LIFR: variants seen among roughly 807,000 people sequenced by gnomAD.
LIFR encodes LIF receptor subunit alpha.
A neutral mutation model predicts 122.2 loss-of-function variants in LIFR; 84 were observed. The observed-to-expected ratio is 0.69, with a 90% confidence interval of 0.58 to 0.82. The LOEUF (loss-of-function observed/expected upper bound fraction) is 0.82. Ranked by LOEUF, LIFR falls within the 40% of genes least tolerant of loss-of-function variation. The pLI is 0.00. For synonymous variants in LIFR, 422 were observed against 434.7 expected (o/e 0.97, Z 0.36); for missense variants, 1,294 against 1,311.6 (o/e 0.99, Z 0.21).
chr5:38,597,097 A>G (rs1486672689), upstream of LIFR, among the ~76,000 whole-genome samples: 1 of 152,172 alleles, frequency 6.6e-6, no homozygotes, highest in African/African-American at 2.4e-5. Flanking sequence ...GAAGGGATGG[A>G]AGTATTTGAT....
intron 1 of LIFR, among the ~76,000 whole-genome samples, chr5:38,538,467 C>T (rs72742542): frequency 0.021 from 3,160 of 152,338 alleles, 32 homozygotes; most frequent in Non-Finnish European, 0.033. Flanking sequence ...TTCATATCCA[C>T]TTGGATATTT....
chr5:38,478,268 T>A lies in LIFR; in HGVS notation c.*3327A>T. 1 of 206,944 alleles carries A rather than the reference T, an allele frequency of 4.8e-6. No homozygotes were observed. The highest frequency in any genetic ancestry group is 9.9e-6 in the Non-Finnish European group (1 of 101,424). 12.8% of individuals were successfully genotyped at this position (206,944 alleles called of 1,614,324 possible). On this transcript the variant is annotated 3_prime_UTR_variant, in exon 20 of 20. Coordinates refer to ENST00000453190, the MANE Select transcript of LIFR (RefSeq NM_001127671.2). The stretch of plus-strand genomic sequence containing the variant: ...CTTTTTACCACAGTTTCTGAGAGTG[T>A]AATAGTACTAAATGTTCTAAATGTA...
chr5:38,504,134 T>G lies in LIFR; in HGVS notation c.1292-13A>C, dbSNP rs918583118. The G allele has an allele frequency of 2.0e-6, 3 of 1,470,506 alleles. No homozygotes were observed. The highest frequency in any genetic ancestry group is 2.9e-6 in the Non-Finnish European group (3 of 1,050,652). 91.1% of individuals were successfully genotyped at this position (1,470,506 alleles called of 1,614,324 possible). ...GTATGGGGATAAACTGCAAATATAA[T>G]TTTTAAAGATTAAACACTTATTTAA... is the stretch of plus-strand genomic sequence containing the variant. On this transcript the variant is annotated splice_polypyrimidine_tract_variant and intron_variant, in intron 9 of 19. Transcript: ENST00000453190.
At chr5:38,606,086 T>A (rs1750322697) in intron 2 of LIFR, 1 of 152,198 alleles carries the variant, frequency 6.6e-6, no homozygotes, top group Non-Finnish European at 1.5e-5. Flanking sequence ...TCAATGTTAG[T>A]TGCTATGTTG....
In LIFR at chr5:38,481,803, C is replaced by T. The variant is rs1012911330; in HGVS notation, c.3086G>A (p.Arg1029Lys). 4.0e-5 allele frequency: 65 copies of T among 1,613,992 alleles called. No homozygotes were observed. The highest frequency in any genetic ancestry group is 5.1e-5 in the Non-Finnish European group (60 of 1,180,018). ...EEDLDKTAGYRPQANVNTWNL... is the reference protein window; with the variant it reads ...EEDLDKTAGYKPQANVNTWNL... ...CCATGTATTTACATTGGCCTGAGGT[C>T]TGTAACCCGCAGTTTTATCTAAGTC... Residue 1029 changes from arginine to lysine, a missense_variant, in exon 20 of 20, where the codon AGA becomes AAA. Physicochemically the swap from Arg to Lys is conservative, Grantham distance 26 (BLOSUM62 2). Coordinates refer to ENST00000453190, the MANE Select transcript of LIFR (RefSeq NM_001127671.2).
chr5:38,561,067 G>C (rs547448614), upstream of LIFR, among the ~76,000 whole-genome samples: 2 of 152,318 alleles, frequency 1.3e-5, no homozygotes, highest in East Asian at 1.9e-4. Flanking sequence ...TGAAATAGGG[G>C]AAATGAAGGT....
At chr5:38,540,755 T>G (rs2112608930) in intron 1 of LIFR, among the ~76,000 whole-genome samples, 1 of 147,842 alleles carries the variant, frequency 6.8e-6, no homozygotes, top group East Asian at 2.0e-4. Context: ...TCCTTATTTT[T>G]AAATGCTGGC....
rs1744020490 is a variant in LIFR, at chr5:38,482,039, A to G, written c.2850T>C (p.Cys950=). 1 of 1,613,458 alleles carries G rather than the reference A, an allele frequency of 6.2e-7. No individual in the cohort carries two copies. Among genetic ancestry groups the G allele is most frequent in the Admixed American group, 1.7e-5 (1 of 59,956 alleles). Residue 950 remains cysteine, a synonymous_variant, in exon 20 of 20, where the codon TGT becomes TGC. Coordinates refer to ENST00000453190, the MANE Select transcript of LIFR (RefSeq NM_001127671.2). ...GTATTTCTTCCTCAATGATGGGTGG[A>G]CAATAGGACACAACCACATGGTTTT... ...EPENHVVVSY[C]PPIIEEEIPN...
chr5:38,564,316 G>C (rs542114447), intron 1 of LIFR, among the ~76,000 whole-genome samples: 17 of 151,674 alleles, frequency 1.1e-4, no homozygotes, highest in Admixed American at 5.3e-4. Context: ...TTGACCTCCT[G>C]GGTTCAGGTG....
upstream of LIFR, among the ~76,000 whole-genome samples, chr5:38,595,621 A>T (rs757698542): frequency 2.0e-5 from 3 of 152,114 alleles, no homozygotes; most frequent in Admixed American, 2.0e-4. Flanking sequence ...CATGAGTCCA[A>T]CCCAGGTTAG....
chr5:38,584,603 C>T (rs548870362), intron 1 of LIFR, among the ~76,000 whole-genome samples: 1 of 151,634 alleles, frequency 6.6e-6, no homozygotes, highest in East Asian at 1.9e-4. Flanking sequence ...CGTGAGTAAG[C>T]CAGACACAGA....
upstream of LIFR, among the ~76,000 whole-genome samples, chr5:38,598,232 TATTTATTTATTTA>T (rs373607072): frequency 0.32 from 23,292 of 72,078 alleles, 5,609 homozygotes; most frequent in Non-Finnish European, 0.35. Flanking sequence ...TTTTTTTTTT[TATTTATTTATTTA>T]TTTTTTTTTT....
chr5:38,548,816 A>G (rs1748035480), intron 1 of LIFR, among the ~76,000 whole-genome samples: 2 of 152,206 alleles, frequency 1.3e-5, no homozygotes, highest in South Asian at 4.1e-4. Context: ...CAGTGACCAG[A>G]AGCAACAAAA....
chr5:38,513,222 A>G (rs570264303), intron 5 of LIFR, among the ~76,000 whole-genome samples: 17 of 152,348 alleles, frequency 1.1e-4, no homozygotes, highest in African/African-American at 3.4e-4. Flanking sequence ...TGGAAAGCAG[A>G]TGGATAATGG....
intron 1 of LIFR, among the ~76,000 whole-genome samples, chr5:38,582,377 G>A (rs1026314515): frequency 2.6e-5 from 4 of 152,208 alleles, no homozygotes; most frequent in Non-Finnish European, 2.9e-5. Context: ...GCAGAAAGGA[G>A]TTGGAAGGAT....
chr5:38,475,608 C>T lies in LIFR; in HGVS notation c.*5987G>A, dbSNP rs1021409519. The T allele has an allele frequency of 9.7e-5, 18 of 186,486 alleles. No individual in the cohort carries two copies. Among genetic ancestry groups the T allele is most frequent in the African/African-American group, 4.2e-4 (18 of 42,690 alleles). 11.6% of individuals were successfully genotyped at this position (186,486 alleles called of 1,614,324 possible). Reference sequence around the variant, plus strand: ...CTTAAAATATTTAACATATAATACTCACTTTAAAAAAACATTCATTCTACA... The same window carrying T: ...CTTAAAATATTTAACATATAATACTTACTTTAAAAAAACATTCATTCTACA... On this transcript the variant is annotated 3_prime_UTR_variant, in exon 20 of 20. Transcript: ENST00000453190.
upstream of LIFR, chr5:38,559,208 T>C (rs1748738364): frequency 6.6e-6 from 1 of 152,230 alleles, no homozygotes; most frequent in African/African-American, 2.4e-5. Context: ...CCACAGCTTC[T>C]AAGGAACACC....
chr5:38,589,235 G>C (rs1749847531), intron 1 of LIFR, among the ~76,000 whole-genome samples: 1 of 151,748 alleles, frequency 6.6e-6, no homozygotes, highest in Non-Finnish European at 1.5e-5. Context: ...AGAGCTCTAT[G>C]TTACTGATCT....
At chr5:38,510,341 G>C in intron 7 of LIFR, 123 bp downstream of exon 7, 1 of 926,316 alleles carries the variant, frequency 1.1e-6, no homozygotes, top group South Asian at 1.5e-5. Flanking sequence ...TTATATTAAA[G>C]AACAAAGAAA....
Sources: allele counts gnomAD v4.1 joint callset (sites outside exome capture counted in the v4.1 genomes callset), GRCh38; gene constraint gnomAD v4.1.1; transcripts MANE v1.5; gene names NCBI Gene and HGNC (gene_info 2026-07-23, HGNC 2026-07-21).